AP3B1: variants seen among roughly 807,000 people sequenced by gnomAD.
The protein encoded by AP3B1 is adaptor related protein complex 3 subunit beta 1.
AP3B1 carries 61 observed loss-of-function variants against 132.5 expected under a neutral mutation model. The ratio of observed to expected loss-of-function variants is 0.46; its 90% confidence interval spans 0.37 to 0.57. AP3B1 has a LOEUF of 0.57. Ranked by LOEUF, AP3B1 falls within the 20% of genes least tolerant of loss-of-function variation. AP3B1 has a pLI of 0.00. For synonymous variants in AP3B1, 388 were observed against 438.3 expected (o/e 0.89, Z 1.43); for missense variants, 1,120 against 1,289.4 (o/e 0.87, Z 2.01).
chr5:78,176,158 G>GAT (rs2112402762), intron 9 of AP3B1, among the ~76,000 whole-genome samples: 2 of 152,266 alleles, frequency 1.3e-5, no homozygotes, highest in East Asian at 3.9e-4. Context: ...AATAGGGGTA[G>GAT]ATAGGACCAC....
At chr5:78,273,526 G>A (rs867365681) in intron 1 of AP3B1, among the ~76,000 whole-genome samples, 7 of 152,144 alleles carry the variant, frequency 4.6e-5, no homozygotes, top group South Asian at 2.1e-4. Context: ...GGAGACAAAT[G>A]TTGAATTCCA....
chr5:78,101,117 T>C (rs1751105963), intron 20 of AP3B1, 92 bp from the exon 21 acceptor site: 1 of 719,866 alleles, frequency 1.4e-6, no homozygotes, highest in South Asian at 1.7e-5. Context: ...TTTTTTTTCC[T>C]CTGCTTAGTG....
At chr5:78,107,615 C>G (rs987272414) in intron 20 of AP3B1, among the ~76,000 whole-genome samples, 1 of 152,024 alleles carries the variant, frequency 6.6e-6, no homozygotes, top group Non-Finnish European at 1.5e-5. Flanking sequence ...GAGCTGCGTT[C>G]AAAGGAAAAG....
intron 22 of AP3B1, among the ~76,000 whole-genome samples, chr5:78,060,193 T>C (rs1309644009): frequency 1.3e-5 from 2 of 152,216 alleles, no homozygotes; most frequent in Non-Finnish European, 2.9e-5. Context: ...ATAAAAGTTA[T>C]ACCGAGTCTC....
chr5:78,155,704 G>A (rs907801868), intron 14 of AP3B1, among the ~76,000 whole-genome samples: 5 of 151,970 alleles, frequency 3.3e-5, no homozygotes, highest in African/African-American at 1.2e-4. Context: ...AGTGGCCAGG[G>A]TATAGAGTGA....
intron 7 of AP3B1, among the ~76,000 whole-genome samples, chr5:78,211,932 T>C (rs1317722137): frequency 6.6e-6 from 1 of 152,224 alleles, no homozygotes; most frequent in Non-Finnish European, 1.5e-5. Flanking sequence ...AATTTCTTCA[T>C]ATATAAAATG....
chr5:78,018,090 C>A (rs1455564085), intron 25 of AP3B1, among the ~76,000 whole-genome samples: 1 of 151,864 alleles, frequency 6.6e-6, no homozygotes, highest in Non-Finnish European at 1.5e-5. Context: ...GGAACACGTA[C>A]TCTTGAAATT....
intron 2 of AP3B1, among the ~76,000 whole-genome samples, chr5:78,256,050 A>T (rs933256601): frequency 2.6e-5 from 4 of 151,968 alleles, no homozygotes; most frequent in African/African-American, 9.7e-5. Flanking sequence ...TTTCATAGCT[A>T]TAAGTGTCTA....
At chr5:78,196,360 C>G (rs1331933551) in intron 7 of AP3B1, among the ~76,000 whole-genome samples, 2 of 152,144 alleles carry the variant, frequency 1.3e-5, no homozygotes, top group Non-Finnish European at 2.9e-5. Context: ...AATCCAGAAA[C>G]TTGATAACTC....
intron 6 of AP3B1, among the ~76,000 whole-genome samples, chr5:78,221,136 T>C (rs1265408862): frequency 1.3e-5 from 2 of 152,172 alleles, no homozygotes; most frequent in African/African-American, 2.4e-5. Context: ...ACTGGTCCTA[T>C]GCATGCACGC....
At chr5:78,269,666 A>G (rs1358616607) in intron 1 of AP3B1, among the ~76,000 whole-genome samples, 1 of 152,224 alleles carries the variant, frequency 6.6e-6, no homozygotes, top group Non-Finnish European at 1.5e-5. Context: ...ACTGTACACT[A>G]TATCAGTGCT....
intron 25 of AP3B1, chr5:78,016,013 C>T (rs1420953762): frequency 5.1e-6 from 1 of 194,936 alleles, no homozygotes; most frequent in Non-Finnish European, 1.0e-5. Context: ...TAACTAGCAG[C>T]AATACCTGGT....
At chr5:78,109,049 TGTAA>T (rs1751463792) in intron 20 of AP3B1, among the ~76,000 whole-genome samples, 1 of 152,190 alleles carries the variant, frequency 6.6e-6, no homozygotes, top group African/African-American at 2.4e-5. Context: ...GGTAATTTGA[TGTAA>T]GTATGAAATG....
intron 21 of AP3B1, among the ~76,000 whole-genome samples, chr5:78,097,987 C>T (rs1025741746): frequency 6.6e-6 from 1 of 152,170 alleles, no homozygotes; most frequent in Non-Finnish European, 1.5e-5. Flanking sequence ...TACCCCCCAA[C>T]CCTGTGCTCT....
chr5:78,079,417 A>G (rs1332893992), intron 22 of AP3B1, among the ~76,000 whole-genome samples: 1 of 152,198 alleles, frequency 6.6e-6, no homozygotes, highest in Non-Finnish European at 1.5e-5. Context: ...AGTTTGCACC[A>G]TCTAAGAAGC....
intron 22 of AP3B1, among the ~76,000 whole-genome samples, chr5:78,062,655 C>A (rs1749107495): frequency 6.6e-6 from 1 of 152,120 alleles, no homozygotes; most frequent in Non-Finnish European, 1.5e-5. Context: ...CACTTGAGAG[C>A]CAGCAAAATC....
At chr5:78,043,439 C>A in intron 22 of AP3B1, 1 of 221,666 alleles carries the variant, frequency 4.5e-6, no homozygotes, top group South Asian at 7.1e-5. Context: ...CTATCTTCCT[C>A]TTCTTTCTCA....
intron 7 of AP3B1, among the ~76,000 whole-genome samples, chr5:78,182,078 G>C (rs1265514766): frequency 2.6e-5 from 4 of 152,154 alleles, no homozygotes; most frequent in African/African-American, 9.7e-5. Flanking sequence ...TGTTTGAATA[G>C]TAACATAAAA....
chr5:78,291,795 GA>G (rs141470059), intron 1 of AP3B1, among the ~76,000 whole-genome samples: 1 of 151,504 alleles, frequency 6.6e-6, no homozygotes, highest in African/African-American at 2.4e-5. Flanking sequence ...AAATGCTTGG[GA>G]AAAAAAACAC....
Sources: gnomAD v4.1 joint callset for allele counts (sites outside exome capture counted in the v4.1 genomes callset) on GRCh38, gnomAD v4.1.1 for gene constraint, MANE v1.5 for transcripts, NCBI Gene and HGNC (gene_info 2026-07-23, HGNC 2026-07-21) for gene names.